BMP6: variants seen among roughly 807,000 people sequenced by gnomAD.
The protein encoded by BMP6 is VG-1-R.
In BMP6, 17 loss-of-function variants were observed where a neutral mutation model predicts 54.1. That is an observed-to-expected ratio of 0.31 (90% CI 0.22 to 0.47). BMP6 has a LOEUF of 0.47. Among genes scored for constraint, BMP6 ranks in the 20% least tolerant of loss-of-function variants. The pLI, the probability that BMP6 is intolerant of heterozygous loss-of-function variation, is 1.00. For synonymous variants in BMP6, 328 were observed against 291.2 expected (o/e 1.13, Z -1.28); for missense variants, 720 against 690.4 (o/e 1.04, Z -0.48).
At chr6:7,800,094 G>A (rs1437122483) in intron 1 of BMP6, among the ~76,000 whole-genome samples, 1 of 150,180 alleles carries the variant, frequency 6.7e-6, no homozygotes, top group Non-Finnish European at 1.5e-5. Flanking sequence ...GTGTGTGTGT[G>A]TGTGTGTGTG....
At chr6:7,734,400 A>G (rs1275032116) in intron 1 of BMP6, among the ~76,000 whole-genome samples, 1 of 152,222 alleles carries the variant, frequency 6.6e-6, no homozygotes. Flanking sequence ...GGGACAATCC[A>G]TGAAAACACA....
At chr6:7,859,171 CTCT>C (rs1370200217) in intron 2 of BMP6, among the ~76,000 whole-genome samples, 5 of 152,068 alleles carry the variant, frequency 3.3e-5, no homozygotes, top group African/African-American at 1.2e-4. Flanking sequence ...TCTCTTTCTG[CTCT>C]TCTCTGTTTT....
chr6:7,728,133 G>T (rs1219843105), intron 1 of BMP6, among the ~76,000 whole-genome samples: 2 of 151,938 alleles, frequency 1.3e-5, no homozygotes, highest in East Asian at 1.9e-4. Flanking sequence ...TGAAAACTTG[G>T]CATGAGTATG....
At chr6:7,846,052 A>AT (rs980589806) in intron 2 of BMP6, among the ~76,000 whole-genome samples, 3 of 152,196 alleles carry the variant, frequency 2.0e-5, no homozygotes, top group Non-Finnish European at 4.4e-5. Context: ...TTTGCTTAGT[A>AT]TTTAGGGGTC....
intron 1 of BMP6, among the ~76,000 whole-genome samples, chr6:7,735,571 A>G (rs1024957463): frequency 1.3e-5 from 2 of 152,192 alleles, no homozygotes; most frequent in South Asian, 4.1e-4. Flanking sequence ...GAAGCTGTAC[A>G]TTTTTTAGAA....
intron 1 of BMP6, among the ~76,000 whole-genome samples, chr6:7,747,365 CAG>C (rs1380634398): frequency 6.6e-6 from 1 of 152,118 alleles, no homozygotes; most frequent in Non-Finnish European, 1.5e-5. Flanking sequence ...GCAGAAGAAT[CAG>C]AGGGATTTGA....
intron 1 of BMP6, among the ~76,000 whole-genome samples, chr6:7,818,082 A>G (rs1057274707): frequency 6.6e-6 from 1 of 152,220 alleles, no homozygotes; most frequent in Admixed American, 6.5e-5. Context: ...CATGGCTTAG[A>G]CTGTTTTGTT....
intron 1 of BMP6, among the ~76,000 whole-genome samples, chr6:7,823,990 G>A (rs1399735048): frequency 6.6e-6 from 1 of 152,214 alleles, no homozygotes; most frequent in Non-Finnish European, 1.5e-5. Flanking sequence ...TGGCCACTGT[G>A]TAGAGAATAG....
At chr6:7,782,947 G>C (rs116430294) in intron 1 of BMP6, among the ~76,000 whole-genome samples, 1 of 152,126 alleles carries the variant, frequency 6.6e-6, no homozygotes, top group African/African-American at 2.4e-5. Context: ...CTGAAACTTG[G>C]TTATTGAACT....
intron 5 of BMP6, 116 bp from the exon 6 acceptor site, chr6:7,879,875 G>A (rs1054407000): frequency 3.0e-5 from 32 of 1,052,182 alleles, no homozygotes; most frequent in East Asian, 2.0e-4. Flanking sequence ...GCCTTCCTGC[G>A]TCTGTATCCT....
At chr6:7,793,111 GT>G (rs1229505850) in intron 1 of BMP6, among the ~76,000 whole-genome samples, 2 of 152,180 alleles carry the variant, frequency 1.3e-5, no homozygotes, top group South Asian at 2.1e-4. Flanking sequence ...TCGATTAAGA[GT>G]TTTTTTCAGG....
intron 1 of BMP6, among the ~76,000 whole-genome samples, chr6:7,838,472 T>C (rs556550067): frequency 6.6e-6 from 1 of 152,280 alleles, no homozygotes; most frequent in Non-Finnish European, 1.5e-5. Context: ...ATAGTAAATA[T>C]ATGAAAGCAA....
chr6:7,752,653 C>G (rs1296437105), intron 1 of BMP6, among the ~76,000 whole-genome samples: 2 of 147,868 alleles, frequency 1.4e-5, no homozygotes, highest in East Asian at 4.0e-4. Context: ...CAGGAAGGTG[C>G]TTTTAGTGTT....
At chr6:7,827,635 T>C (rs571405583) in intron 1 of BMP6, among the ~76,000 whole-genome samples, 1 of 152,218 alleles carries the variant, frequency 6.6e-6, no homozygotes, top group Non-Finnish European at 1.5e-5. Context: ...AAGATTGTTA[T>C]TTCACCAAAG....
intron 1 of BMP6, among the ~76,000 whole-genome samples, chr6:7,800,557 G>T (rs1763659935): frequency 1.3e-5 from 2 of 152,104 alleles, no homozygotes; most frequent in Non-Finnish European, 1.5e-5. Context: ...CCATGTCTGG[G>T]TGGCAAGGTC....
At chr6:7,833,589 C>T (rs1758824977) in intron 1 of BMP6, among the ~76,000 whole-genome samples, 1 of 152,192 alleles carries the variant, frequency 6.6e-6, no homozygotes. Flanking sequence ...TCACTGTTAA[C>T]TATGATAGGT....
intron 1 of BMP6, among the ~76,000 whole-genome samples, chr6:7,732,953 G>A (rs1256794962): frequency 6.6e-6 from 1 of 151,240 alleles, no homozygotes. Context: ...CTGGAGTGCA[G>A]TGGCGAGATC....
chr6:7,765,516 AAC>A (rs2113147395), intron 1 of BMP6, among the ~76,000 whole-genome samples: 1 of 152,358 alleles, frequency 6.6e-6, no homozygotes, highest in South Asian at 2.1e-4. Context: ...GTGTATCAAA[AAC>A]ACACATTAAC....
At chr6:7,808,397 A>G (rs562094276) in intron 1 of BMP6, among the ~76,000 whole-genome samples, 1 of 152,336 alleles carries the variant, frequency 6.6e-6, no homozygotes, top group South Asian at 2.1e-4. Flanking sequence ...GAAACTGCTC[A>G]GAGCCTCTTG....
Sources: allele counts gnomAD v4.1 joint callset (sites outside exome capture counted in the v4.1 genomes callset), GRCh38; gene constraint gnomAD v4.1.1; transcripts MANE v1.5; gene names NCBI Gene and HGNC (gene_info 2026-07-23, HGNC 2026-07-21).